The following RAPGEF1 variants were observed in gnomAD, a reference collection of about 807,000 sequenced individuals.
The protein encoded by RAPGEF1 is Rap guanine nucleotide exchange factor 1, also known as CRK SH3-binding GNRP.
Under a neutral mutation model 143.3 loss-of-function variants are expected in RAPGEF1, and 33 were observed. That is an observed-to-expected ratio of 0.23 (90% confidence interval 0.17 to 0.31). RAPGEF1 has a LOEUF of 0.31. Among genes scored for constraint, RAPGEF1 ranks in the 10% least tolerant of loss-of-function variants. RAPGEF1 has a pLI of 1.00. For missense variants in RAPGEF1, 1,199 were observed against 1,645.4 expected (o/e 0.73, Z 4.69); for synonymous variants, 629 against 676.5 (o/e 0.93, Z 1.09).
intron 1 of RAPGEF1, among the ~76,000 whole-genome samples, chr9:131,704,742 G>GA (rs1018085616): frequency 2.0e-5 from 3 of 151,940 alleles, no homozygotes; most frequent in African/African-American, 7.2e-5. Context: ...GAAAGAGAGG[G>GA]AAAAAAAGAG....
intron 1 of RAPGEF1, among the ~76,000 whole-genome samples, chr9:131,724,653 C>T (rs1041138161): frequency 3.9e-5 from 6 of 152,112 alleles, no homozygotes; most frequent in African/African-American, 9.7e-5. Context: ...TCAGCATCCA[C>T]GGCCTGGTAA....
At chr9:131,706,538 G>A (rs1254381592) in intron 1 of RAPGEF1, among the ~76,000 whole-genome samples, 1 of 152,140 alleles carries the variant, frequency 6.6e-6, no homozygotes, top group Non-Finnish European at 1.5e-5. Flanking sequence ...CCAAAGTGCT[G>A]GGATTACAGG....
At chr9:131,582,839 A>G in intron 24 of RAPGEF1, 137 bp from the exon 25 acceptor site, 1 of 670,456 alleles carries the variant, frequency 1.5e-6, no homozygotes, top group South Asian at 2.0e-5. Flanking sequence ...ACTACGCACA[A>G]ACACCCAGCC....
At chr9:131,709,756 C>G (rs1589074576) in intron 1 of RAPGEF1, 2 of 1,608,626 alleles carry the variant, frequency 1.2e-6, no homozygotes, top group East Asian at 2.2e-5. Context: ...GACCGAGTCA[C>G]TGGCTGAAAG....
In RAPGEF1 at chr9:131,584,169, C is replaced by T. The variant is rs1035739523; in HGVS notation, c.3414+142G>A. ...AAGGCGGGAGGGCAGCTGTTCTGGT[C>T]ACACAGCATGTCGGTGGCAGAGCAG... is the stretch of plus-strand genomic sequence containing the variant. On this transcript the variant is annotated intron_variant, in intron 24 of 26. Transcript: ENST00000683357. This position sits in a 1 kb window ranked among gnomAD's most constrained non-coding sequence, Gnocchi z 6.8. The T allele has an allele frequency of 1.3e-6, 1 of 751,504 alleles. No individual in the cohort carries two copies. The highest frequency in any genetic ancestry group is 1.8e-5 in the African/African-American group (1 of 56,980). The allele number at this position is 751,504 out of a possible 1,614,324, so 46.6% of individuals were successfully genotyped here.
chr9:131,693,227 A>G (rs942244997), intron 1 of RAPGEF1, among the ~76,000 whole-genome samples: 1 of 152,210 alleles, frequency 6.6e-6, no homozygotes, highest in Non-Finnish European at 1.5e-5. Flanking sequence ...CAAAATAATG[A>G]TGACGGAGTA....
At chr9:131,684,294 C>G (rs1401026942) in intron 1 of RAPGEF1, among the ~76,000 whole-genome samples, 3 of 152,200 alleles carry the variant, frequency 2.0e-5, no homozygotes, top group Non-Finnish European at 4.4e-5. Flanking sequence ...GGCTACATGC[C>G]AATCAGGAGA....
At chr9:131,657,651 T>C (rs1972844307) in intron 1 of RAPGEF1, among the ~76,000 whole-genome samples, 1 of 152,114 alleles carries the variant, frequency 6.6e-6, no homozygotes. Context: ...GTGGCTGCTG[T>C]GGCTGAGGCA....
intron 1 of RAPGEF1, among the ~76,000 whole-genome samples, chr9:131,713,039 G>A (rs930992423): frequency 1.7e-4 from 26 of 152,060 alleles, no homozygotes; most frequent in Admixed American, 2.0e-4. Context: ...ATGGGCAAGC[G>A]ACCCATCTCC....
At position 131,626,002 on chromosome 9, in the gene RAPGEF1, A is replaced by T; in HGVS notation, c.1622T>A (p.Phe541Tyr). 6.2e-7 allele frequency: 1 copy of T among 1,609,638 alleles called. No homozygotes were observed. The highest frequency in any genetic ancestry group is 8.5e-7 in the Non-Finnish European group (1 of 1,176,132). Residue 541 changes from phenylalanine (F) to tyrosine (Y), a missense_variant, in exon 10 of 27, where the codon TTT (phenylalanine) becomes TAT (tyrosine). Physicochemically the swap from Phe to Tyr is conservative, Grantham distance 22. This residue lies in a region of RAPGEF1 where 613 missense variants were observed against 710.9 expected (regional missense o/e 0.86). Transcript: ENST00000683357. ...QHGGSSAPVE[F>Y]VGDFTAPEST... ...CTCAGGAGCAGTAAAATCACCCACA[A>T]ATTCGACAGGGGCTGAGGAACCTCC... is the stretch of plus-strand genomic sequence containing the variant.
At chr9:131,723,080 G>A (rs1473179159) in intron 1 of RAPGEF1, among the ~76,000 whole-genome samples, 1 of 151,886 alleles carries the variant, frequency 6.6e-6, no homozygotes, top group Non-Finnish European at 1.5e-5. Flanking sequence ...TGTAGCCCCA[G>A]CTACTCAGGA....
chr9:131,650,274 G>C lies in RAPGEF1; in HGVS notation c.202-32C>G. ...GAGAGGAAACCTGGATTCCTACAGAGTTTGAAATGGCTGTTTGAGGCCGAA... is the reference window on the plus strand; with the variant it reads ...GAGAGGAAACCTGGATTCCTACAGACTTTGAAATGGCTGTTTGAGGCCGAA... On this transcript the variant is annotated intron_variant, in intron 2 of 26. Coordinates refer to ENST00000683357, the MANE Select transcript of RAPGEF1 (RefSeq NM_001377935.1). This position sits in a 1 kb window ranked among gnomAD's most constrained non-coding sequence, Gnocchi z 4.7. 1 of 1,538,916 alleles carries C rather than the reference G, an allele frequency of 6.5e-7. No homozygotes were observed. Among genetic ancestry groups the C allele is most frequent in the Non-Finnish European group, 8.9e-7 (1 of 1,118,164 alleles).
At chr9:131,689,818 G>C (rs980765083) in intron 1 of RAPGEF1, among the ~76,000 whole-genome samples, 1 of 152,196 alleles carries the variant, frequency 6.6e-6, no homozygotes, top group Non-Finnish European at 1.5e-5. Flanking sequence ...GATTACAGGC[G>C]CGAGCCACCG....
At chr9:131,709,314 C>G (rs1835337295) in intron 1 of RAPGEF1, among the ~76,000 whole-genome samples, 1 of 152,174 alleles carries the variant, frequency 6.6e-6, no homozygotes, top group East Asian at 1.9e-4. Flanking sequence ...CCACTGCATT[C>G]CAGCCTGGGC....
chr9:131,591,761 C>T (rs1954313495), intron 18 of RAPGEF1, among the ~76,000 whole-genome samples: 1 of 152,242 alleles, frequency 6.6e-6, no homozygotes, highest in Admixed American at 6.5e-5. Context: ...AGGACCGGCA[C>T]ACTTACCCCT....
Position 131,675,105 on chromosome 9 carries a change from T to C in RAPGEF1, c.62-24156A>G, listed in dbSNP as rs1022717011. ...GGGTGGTGGGGGGTGGTAGCAACTG[T>C]GCTTGCCACCAAGAGGAAACTGGCT... On this transcript the variant is annotated intron_variant, in intron 1 of 26. Coordinates refer to ENST00000683357, the MANE Select transcript of RAPGEF1 (RefSeq NM_001377935.1). This position sits in a 1 kb window ranked among gnomAD's most constrained non-coding sequence, Gnocchi z 4.6. Among the ~76,000 whole-genome samples the C allele has an allele frequency of 1.3e-5, 2 of 152,062 alleles. No individual in the cohort carries two copies. The highest frequency in any genetic ancestry group is 4.8e-5 in the African/African-American group (2 of 41,406).
intron 9 of RAPGEF1, 70 bp from the exon 10 acceptor site, chr9:131,626,492 C>T: frequency 3.4e-6 from 5 of 1,476,338 alleles, no homozygotes; most frequent in Non-Finnish European, 4.5e-6. Context: ...GCTCCCCCCG[C>T]CCGCCTCTCG....
chr9:131,584,632 G>C lies in RAPGEF1; in HGVS notation c.3234-36C>G, dbSNP rs1327174907. 1 of 1,607,186 alleles carries C rather than the reference G, an allele frequency of 6.2e-7. No individual in the cohort carries two copies. Among genetic ancestry groups the C allele is most frequent in the Non-Finnish European group, 8.5e-7 (1 of 1,173,914 alleles). On this transcript the variant is annotated intron_variant, in intron 22 of 26. Transcript: ENST00000683357. This position sits in a 1 kb window ranked among gnomAD's most constrained non-coding sequence, Gnocchi z 6.8. ...CAAGGGAAAAAGAAACAGCTGAGTT[G>C]ACAAGTCCCTGCAGGTCCCAGGGGT...
At chr9:131,631,299 G>T (rs1779822288) in intron 5 of RAPGEF1, among the ~76,000 whole-genome samples, 1 of 152,150 alleles carries the variant, frequency 6.6e-6, no homozygotes, top group Non-Finnish European at 1.5e-5. Context: ...TCAATTTTAG[G>T]ACTTCTCATC....
Sources: allele counts gnomAD v4.1 joint callset (sites outside exome capture counted in the v4.1 genomes callset), GRCh38; gene constraint gnomAD v4.1.1; regional missense constraint gnomAD v4.1.1; non-coding constraint Gnocchi (gnomAD v3.1); transcripts MANE v1.5; gene names NCBI Gene and HGNC (gene_info 2026-07-23, HGNC 2026-07-21).